RYR2: variants seen among roughly 807,000 people sequenced by gnomAD.
The protein encoded by RYR2 is cardiac muscle ryanodine receptor-calcium release channel.
RYR2 carries 227 observed loss-of-function variants against 601.1 expected under a neutral mutation model. The ratio of observed to expected loss-of-function variants is 0.38; its 90% CI spans 0.34 to 0.42. RYR2 has a LOEUF of 0.42. RYR2 is among the 10% of genes least tolerant of loss of function. The pLI is 1.00. For missense variants in RYR2, 4,646 were observed against 6,156.5 expected (o/e 0.75, Z 8.21); for synonymous variants, 2,223 against 2,175.1 (o/e 1.02, Z -0.61).
chr1:237,400,266 G>C (rs552870676), intron 10 of RYR2, among the ~76,000 whole-genome samples: 18 of 152,340 alleles, frequency 1.2e-4, no homozygotes, highest in African/African-American at 3.8e-4. Flanking sequence ...ACTGGACAAA[G>C]AGCAAAGATT....
At chr1:237,406,518 A>G (rs1182561809) in intron 10 of RYR2, among the ~76,000 whole-genome samples, 1 of 151,892 alleles carries the variant, frequency 6.6e-6, no homozygotes, top group East Asian at 1.9e-4. Context: ...TTACACATAC[A>G]CATTTGTAGC....
intron 57 of RYR2, among the ~76,000 whole-genome samples, chr1:237,667,213 A>C (rs1282834071): frequency 1.3e-5 from 2 of 152,220 alleles, no homozygotes; most frequent in African/African-American, 4.8e-5. Flanking sequence ...TTAATAGGTC[A>C]ATATGGTGTT....
At position 237,502,843 on chromosome 1, in the gene RYR2, AAAAG is replaced by A. The variant is rs371942256; in HGVS notation, c.2397-442_2397-439del. ...AGTGAAAAAAGAATCTAAAAAAAAAAAAAGAAAAGAAAAGTGACTGGTTTTTCCC... is the reference window on the plus strand; with the variant it reads ...AGTGAAAAAAGAATCTAAAAAAAAAAAAAAGAAAAGTGACTGGTTTTTCCC... On this transcript the variant is annotated intron_variant, in intron 21 of 104. Coordinates refer to ENST00000366574, the MANE Select transcript of RYR2 (RefSeq NM_001035.3). Among the ~76,000 whole-genome samples, 1,498 of 152,150 alleles carry A rather than the reference AAAAG, an allele frequency of 9.8e-3. 28 individuals carry two copies. Among genetic ancestry groups the A allele is most frequent in the African/African-American group, 0.032 (1,329 of 41,524 alleles).
At position 237,743,939 on chromosome 1, in the gene RYR2, C is replaced by T. The variant is rs375212886; in HGVS notation, c.11145+1590C>T. 2.0e-5 allele frequency among the ~76,000 whole-genome samples: 3 copies of T among 152,252 alleles called. No individual in the cohort carries two copies. The East Asian group carries it at 5.8e-4, about 29-fold the overall frequency. Reference sequence around the variant, plus strand: ...TTTTAAGCCAGGGACTTCTCATTTTCGGTGCAATGTTCTGACCTTATCCCT... The same window carrying T: ...TTTTAAGCCAGGGACTTCTCATTTTTGGTGCAATGTTCTGACCTTATCCCT... On this transcript the variant is annotated intron_variant, in intron 80 of 104. Transcript: ENST00000366574.
intron 3 of RYR2, among the ~76,000 whole-genome samples, chr1:237,343,431 A>T (rs1698008675): frequency 6.6e-6 from 1 of 152,200 alleles, no homozygotes; most frequent in Non-Finnish European, 1.5e-5. Flanking sequence ...TTCTGTGTAG[A>T]GTAAATAGTG....
chr1:237,591,581 C>G (rs1043086927), intron 31 of RYR2, among the ~76,000 whole-genome samples, 158 bp from the exon 32 acceptor site: 1 of 152,096 alleles, frequency 6.6e-6, no homozygotes, highest in Non-Finnish European at 1.5e-5. Flanking sequence ...ATCCCCCAAA[C>G]TGTGAGAACC....
chr1:237,320,460 G>A (rs936494072), intron 2 of RYR2, among the ~76,000 whole-genome samples: 3 of 152,004 alleles, frequency 2.0e-5, no homozygotes, highest in Admixed American at 1.3e-4. Context: ...TGTATTTTTT[G>A]TGTTCCATTA....
chr1:237,349,308 G>T (rs1446316564), intron 3 of RYR2, among the ~76,000 whole-genome samples: 2 of 152,130 alleles, frequency 1.3e-5, no homozygotes, highest in Admixed American at 6.6e-5. Flanking sequence ...CTTTAATGTT[G>T]TGAGGAAAAA....
chr1:237,373,691 C>T (rs1458597993), intron 6 of RYR2, among the ~76,000 whole-genome samples: 1 of 152,072 alleles, frequency 6.6e-6, no homozygotes, highest in Non-Finnish European at 1.5e-5. Context: ...CAGTTAGGAA[C>T]ACGTAAGGGT....
intron 35 of RYR2, among the ~76,000 whole-genome samples, chr1:237,608,796 GTTTT>G (rs33945891): frequency 1.1e-4 from 13 of 119,206 alleles, no homozygotes; most frequent in Non-Finnish European, 1.0e-4. Flanking sequence ...AGACTGACCT[GTTTT>G]TTTTTTTTTT....
intron 96 of RYR2, among the ~76,000 whole-genome samples, chr1:237,797,320 T>C (rs12751842): frequency 3.9e-5 from 6 of 152,038 alleles, no homozygotes; most frequent in African/African-American, 1.5e-4. Context: ...ACATGGAATC[T>C]ATACTAGATG....
intron 3 of RYR2, among the ~76,000 whole-genome samples, chr1:237,332,909 T>C (rs1210220457): frequency 1.9e-5 from 1 of 52,160 alleles, no homozygotes; most frequent in African/African-American, 3.5e-5. Context: ...CTTGAGCTCC[T>C]GAGCTCAAAC....
chr1:237,789,927 G>A (rs984491998), intron 92 of RYR2, among the ~76,000 whole-genome samples: 1 of 152,192 alleles, frequency 6.6e-6, no homozygotes, highest in African/African-American at 2.4e-5. Context: ...GACGCAGTCT[G>A]GGTGTGGTGG....
chr1:237,348,104 T>A (rs888267058), intron 3 of RYR2, among the ~76,000 whole-genome samples: 25 of 152,170 alleles, frequency 1.6e-4, no homozygotes, highest in African/African-American at 6.0e-4. Flanking sequence ...GAAATAAGGC[T>A]TACACTCTGA....
intron 1 of RYR2, among the ~76,000 whole-genome samples, chr1:237,228,258 G>C (rs1450556724): frequency 6.6e-6 from 1 of 152,130 alleles, no homozygotes; most frequent in Non-Finnish European, 1.5e-5. Context: ...ACTTCACTTA[G>C]AATAATAGTC....
chr1:237,454,445 A>T lies in RYR2; in HGVS notation c.1347A>T (p.Ile449=). Residue 449 remains isoleucine, a synonymous_variant, in exon 15 of 105, where the codon ATA becomes ATT. Transcript: ENST00000366574. ...AGGCTTCCACAGTCGATTTGCCTAT[A>T]GAGTCCGTAAGCCTAAGTCTGCAGG... ...KAKASTVDLP[I]ESVSLSLQDL... 1 of 1,613,614 alleles carries T rather than the reference A, an allele frequency of 6.2e-7. No individual in the cohort carries two copies. Among genetic ancestry groups the T allele is most frequent in the Non-Finnish European group, 8.5e-7 (1 of 1,179,652 alleles).
intron 19 of RYR2, among the ~76,000 whole-genome samples, chr1:237,494,460 G>T (rs1353059692): frequency 2.0e-5 from 3 of 152,160 alleles, no homozygotes; most frequent in Non-Finnish European, 4.4e-5. Context: ...TGTGCTGGCA[G>T]CTGATTAGAT....
At chr1:237,770,935 T>G in intron 85 of RYR2, 48 bp downstream of exon 85, 1 of 1,177,378 alleles carries the variant, frequency 8.5e-7, no homozygotes, top group African/African-American at 1.5e-5. Context: ...ATAAATAATG[T>G]TTTCAAGCCA....
intron 87 of RYR2, among the ~76,000 whole-genome samples, chr1:237,777,793 A>G (rs1419291132): frequency 6.6e-6 from 1 of 152,248 alleles, no homozygotes; most frequent in Non-Finnish European, 1.5e-5. Flanking sequence ...TCAACTATTT[A>G]TGAATGGAGC....
Sources: gnomAD v4.1 joint callset for allele counts (sites outside exome capture counted in the v4.1 genomes callset) on GRCh38, gnomAD v4.1.1 for gene constraint, MANE v1.5 for transcripts, NCBI Gene and HGNC (gene_info 2026-07-23, HGNC 2026-07-21) for gene names.